Variants in PTPRN2 observed in about 807,000 individuals in gnomAD.
PTPRN2 encodes protein tyrosine phosphatase receptor type N2.
PTPRN2 carries 74 observed loss-of-function variants against 118.8 expected under a neutral mutation model. The ratio of observed to expected loss-of-function variants is 0.62; its 90% confidence interval spans 0.52 to 0.76. The LOEUF is 0.76. Among genes scored for constraint, PTPRN2 ranks in the 30% least tolerant of loss-of-function variants. The probability of loss-of-function intolerance (pLI) is 0.00; values close to 1 mark genes in which losing one functional copy is unlikely to be tolerated. For synonymous variants in PTPRN2, 641 were observed against 608.0 expected (o/e 1.05, Z -0.80); for missense variants, 1,481 against 1,394.4 (o/e 1.06, Z -0.99).
At chr7:157,960,966 C>A (rs547804074) in intron 11 of PTPRN2, among the ~76,000 whole-genome samples, 12 of 152,194 alleles carry the variant, frequency 7.9e-5, no homozygotes, top group Non-Finnish European at 1.2e-4. Context: ...AAGAACATGC[C>A]ACTGCACTCC....
chr7:157,622,495 C>G lies in PTPRN2; in HGVS notation c.2197-986G>C, dbSNP rs776682543. Among the ~76,000 whole-genome samples, 1 of 152,094 alleles carries G rather than the reference C, an allele frequency of 6.6e-6. No homozygotes were observed. Among genetic ancestry groups the G allele is most frequent in the Non-Finnish European group, 1.5e-5 (1 of 68,040 alleles). On this transcript the variant is annotated intron_variant, in intron 14 of 22. Transcript: ENST00000389418. This position sits in a 1 kb window ranked among gnomAD's most constrained non-coding sequence, Gnocchi z 5.3. ...CCCTCCCTGCCCACTGGGGCCCGTT[C>G]CAGGAGACAGGTAGAGAAAGAGACA...
At chr7:157,616,196 C>T (rs985403659) in intron 15 of PTPRN2, 2 of 154,632 alleles carry the variant, frequency 1.3e-5, no homozygotes, top group African/African-American at 4.8e-5. Flanking sequence ...AGACATCTTA[C>T]CAACCTATCG....
chr7:157,603,922 C>G lies in PTPRN2; in HGVS notation c.2418+80G>C. On this transcript the variant is annotated intron_variant, in intron 16 of 22. Coordinates refer to ENST00000389418, the MANE Select transcript of PTPRN2 (RefSeq NM_002847.5). This position sits in a 1 kb window ranked among gnomAD's most constrained non-coding sequence, Gnocchi z 5.4. ...AGCTGGGTGGGGACGTGATTTCCCC[C>G]GAGAACCTTCCCACGTGATTTGCCG... 8 of 1,388,816 alleles carry G rather than the reference C, an allele frequency of 5.8e-6. No homozygotes were observed. Among genetic ancestry groups the G allele is most frequent in the Non-Finnish European group, 7.1e-6 (7 of 987,256 alleles). The allele number at this position is 1,388,816 out of a possible 1,614,324, so 86.0% of individuals were successfully genotyped here.
At chr7:158,006,511 C>T (rs187409230) in intron 11 of PTPRN2, among the ~76,000 whole-genome samples, 72 of 152,334 alleles carry the variant, frequency 4.7e-4, no homozygotes, top group South Asian at 1.2e-3. Context: ...TGAGTCCCAG[C>T]GCCAGGCAAA....
intron 11 of PTPRN2, among the ~76,000 whole-genome samples, chr7:157,969,047 TGA>T (rs1310183485): frequency 6.6e-6 from 1 of 152,224 alleles, no homozygotes; most frequent in Non-Finnish European, 1.5e-5. Context: ...GGATAAATTA[TGA>T]GAGTCTGTAC....
intron 13 of PTPRN2, among the ~76,000 whole-genome samples, chr7:157,675,422 TC>T (rs1796620800): frequency 6.6e-6 from 1 of 152,206 alleles, no homozygotes; most frequent in South Asian, 2.1e-4. Flanking sequence ...GGGTGTTGGC[TC>T]ACCCGGGCGC....
In PTPRN2 at chr7:157,561,590, T is replaced by G. The variant is rs1799196012; in HGVS notation, c.2902+7312A>C. On this transcript the variant is annotated intron_variant, in intron 21 of 22. Transcript: ENST00000389418. Reference sequence around the variant, plus strand: ...TCTGACTCTGGCTGACCGGAGGCCTTGAGGCAAGTCACCCAACCTCCCAGA... The same window carrying G: ...TCTGACTCTGGCTGACCGGAGGCCTGGAGGCAAGTCACCCAACCTCCCAGA... 2.0e-5 allele frequency among the ~76,000 whole-genome samples: 3 copies of G among 152,262 alleles called. No individual in the cohort carries two copies. The South Asian group carries it at 6.2e-4, about 32-fold the overall frequency.
intron 2 of PTPRN2, among the ~76,000 whole-genome samples, chr7:158,483,972 T>C (rs1031635610): frequency 2.6e-5 from 4 of 151,780 alleles, no homozygotes; most frequent in Non-Finnish European, 4.4e-5. Flanking sequence ...ACTCCATCAC[T>C]GCAAAAAAAA....
intron 12 of PTPRN2, among the ~76,000 whole-genome samples, chr7:157,772,867 CG>C (rs1802970317): frequency 6.6e-6 from 1 of 152,242 alleles, no homozygotes; most frequent in Admixed American, 6.5e-5. Flanking sequence ...TGCTAGGCCA[CG>C]GGTGGCTGTC....
intron 2 of PTPRN2, among the ~76,000 whole-genome samples, chr7:158,355,629 A>G (rs6459867): frequency 0.96 from 146,807 of 152,336 alleles, 70,796 homozygotes; most frequent in African/African-American, 0.99. Flanking sequence ...GCAGCAGTGC[A>G]GAGGGATGTC....
At chr7:157,667,090 C>T (rs1490925858) in intron 13 of PTPRN2, among the ~76,000 whole-genome samples, 1 of 107,462 alleles carries the variant, frequency 9.3e-6, no homozygotes, top group Non-Finnish European at 2.3e-5. Context: ...CTGGCTTGCA[C>T]GCTCAGCCTG....
intron 12 of PTPRN2, among the ~76,000 whole-genome samples, chr7:157,792,314 A>G (rs1232700142): frequency 6.6e-6 from 1 of 152,118 alleles, no homozygotes; most frequent in African/African-American, 2.4e-5. Flanking sequence ...TACTTGCTAT[A>G]CTCAGGCCAG....
chr7:157,912,846 T>A (rs940073274), intron 11 of PTPRN2, among the ~76,000 whole-genome samples: 2 of 152,220 alleles, frequency 1.3e-5, no homozygotes, highest in Admixed American at 6.5e-5. Context: ...CTGGCCCAGG[T>A]GTCTCTCCGT....
chr7:157,956,527 T>A (rs114244444), intron 11 of PTPRN2, among the ~76,000 whole-genome samples: 2,359 of 152,362 alleles, frequency 0.015, 59 homozygotes, highest in African/African-American at 0.054. Context: ...TGACTGGCTA[T>A]CCCTAGCCCT....
rs888312331 is a variant in PTPRN2, at chr7:158,546,382, C to A, written c.112+41176G>T. On this transcript the variant is annotated intron_variant, in intron 1 of 22. Coordinates refer to ENST00000389418, the MANE Select transcript of PTPRN2 (RefSeq NM_002847.5). The surrounding 1 kb of genome is among the most constrained non-coding windows in gnomAD (Gnocchi z 5.0). ...AAAGGGAATCCCTCCCAGGGGAGGA[C>A]GGACTGAGCTCTCAGAGTCCTTTGG... is the stretch of plus-strand genomic sequence containing the variant. Among the ~76,000 whole-genome samples, 1 of 152,220 alleles carries A rather than the reference C, an allele frequency of 6.6e-6. No homozygotes were observed. Among genetic ancestry groups the A allele is most frequent in the African/African-American group, 2.4e-5 (1 of 41,466 alleles).
chr7:158,376,345 G>A (rs1214188504), intron 2 of PTPRN2, among the ~76,000 whole-genome samples: 1 of 150,212 alleles, frequency 6.7e-6, no homozygotes, highest in Non-Finnish European at 1.5e-5. Flanking sequence ...CCTGCACGTG[G>A]GGTTAGGGGA....
At chr7:158,271,743 A>G (rs1328238109) in intron 3 of PTPRN2, among the ~76,000 whole-genome samples, 2 of 152,112 alleles carry the variant, frequency 1.3e-5, no homozygotes, top group South Asian at 4.1e-4. Context: ...GTGAGCGCCC[A>G]CTTTTTGGTT....
chr7:157,655,064 G>C (rs572180604), intron 14 of PTPRN2, among the ~76,000 whole-genome samples: 35 of 152,388 alleles, frequency 2.3e-4, no homozygotes, highest in Admixed American at 1.0e-3. Flanking sequence ...GGTCTGCCGA[G>C]TGAACTCCAC....
At chr7:158,568,588 A>G (rs1827796305) in intron 1 of PTPRN2, among the ~76,000 whole-genome samples, 1 of 152,220 alleles carries the variant, frequency 6.6e-6, no homozygotes. Context: ...GCTGAGATTT[A>G]TAACAAATAC....
Sources: gnomAD v4.1 joint callset for allele counts (sites outside exome capture counted in the v4.1 genomes callset) on GRCh38, gnomAD v4.1.1 for gene constraint, Gnocchi (gnomAD v3.1) non-coding constraint, MANE v1.5 for transcripts, NCBI Gene and HGNC (gene_info 2026-07-23, HGNC 2026-07-21) for gene names.